The following PAK4 variants were observed in gnomAD, a reference collection of about 807,000 sequenced individuals.
PAK4 encodes p21 (RAC1) activated kinase 4.
In PAK4, 49 loss-of-function variants were observed where a neutral mutation model predicts 53.5. The observed-to-expected ratio is 0.92, with a 90% CI of 0.73 to 1.16. The LOEUF is 1.16. Among genes scored for constraint, PAK4 ranks in the 50% most tolerant of loss-of-function variants. PAK4 has a pLI of 0.00. For synonymous variants in PAK4, 376 were observed against 375.6 expected (o/e 1.00, Z -0.01); for missense variants, 824 against 850.7 (o/e 0.97, Z 0.39).
chr19:39,141,016 G>A (rs2073900110), intron 1 of PAK4, among the ~76,000 whole-genome samples: 2 of 152,120 alleles, frequency 1.3e-5, no homozygotes, highest in Non-Finnish European at 2.9e-5. Context: ...GGATTCACAG[G>A]GTGAGTGATC....
chr19:39,145,688 C>T (rs1187672095), intron 1 of PAK4, among the ~76,000 whole-genome samples: 2 of 152,192 alleles, frequency 1.3e-5, no homozygotes, highest in African/African-American at 4.8e-5. Flanking sequence ...CTGGTGCCGC[C>T]TGGGGCCTGT....
At chr19:39,148,902 C>T (rs909585852) in intron 1 of PAK4, among the ~76,000 whole-genome samples, 1 of 152,098 alleles carries the variant, frequency 6.6e-6, no homozygotes, top group African/African-American at 2.4e-5. Context: ...TTCCAGCCAG[C>T]ATTTGTTGAA....
At chr19:39,130,233 G>C (rs577501078) in intron 1 of PAK4, among the ~76,000 whole-genome samples, 1 of 99,664 alleles carries the variant, frequency 1.0e-5, no homozygotes, top group South Asian at 3.0e-4. Flanking sequence ...GGGTGGGACT[G>C]GGGGGGACCC....
At chr19:39,176,526 A>G in intron 6 of PAK4, 64 bp from the exon 8 acceptor site, 2 of 1,603,812 alleles carry the variant, frequency 1.2e-6, no homozygotes, top group South Asian at 1.1e-5. Context: ...ACGCAGGCAG[A>G]CGCCCCTGCT....
intron 2 of PAK4, among the ~76,000 whole-genome samples, chr19:39,170,062 G>A (rs1235630650): frequency 2.6e-5 from 4 of 152,094 alleles, no homozygotes; most frequent in African/African-American, 9.7e-5. Flanking sequence ...CCATGCTGCT[G>A]TACCCCGGAC....
Position 39,173,156 on chromosome 19 carries a change from G to A in PAK4, c.443G>A (p.Ser148Asn). 2 of 1,541,226 alleles carry A rather than the reference G, an allele frequency of 1.3e-6. No homozygotes were observed. The highest frequency in any genetic ancestry group is 1.8e-6 in the Non-Finnish European group (2 of 1,141,112). ...GGTCACAGCGAGGCGGGTGGCGGCA[G>A]TGGTGACAGGCGACGGGCGGGGCCA... is the stretch of plus-strand genomic sequence containing the variant. The change falls in exon 3 of 9, where the codon AGT becomes AAT. Residue 148 changes from serine (S) to asparagine (N), a missense_variant. By Grantham distance (46) the Ser-to-Asn change is conservative. Transcript: ENST00000358301. The surrounding 1 kb of genome is among the most constrained non-coding windows in gnomAD (Gnocchi z 6.9).
At chr19:39,171,853 G>A (rs893528550) in intron 2 of PAK4, among the ~76,000 whole-genome samples, 19 of 152,228 alleles carry the variant, frequency 1.2e-4, no homozygotes, top group African/African-American at 4.1e-4. Context: ...TCACTACGTG[G>A]TTTAGCAAAA....
rs73046481 is a variant in PAK4 at position 39,170,416 on chromosome 19, A to G, written c.204+659A>G. ...AATGGCAAGGTTGGGATTTGAACCA[A>G]TGTCTGTTTCCAAGGCCCGTGCTCT... On this transcript the variant is annotated intron_variant, in intron 2 of 8. Coordinates refer to ENST00000358301, the Ensembl canonical transcript of PAK4. 4.2e-3 allele frequency among the ~76,000 whole-genome samples: 646 copies of G among 152,172 alleles called. 2 individuals carry two copies. Among genetic ancestry groups the G allele is most frequent in the Admixed American group, 7.5e-3 (115 of 15,292 alleles).
In PAK4 at chr19:39,173,210, G is replaced by C. The variant is rs775587047; in HGVS notation, c.497G>C (p.Gly166Ala). 1.9e-6 allele frequency: 3 copies of C among 1,555,518 alleles called. No individual in the cohort carries two copies. Among genetic ancestry groups the C allele is most frequent in the Non-Finnish European group, 2.6e-6 (3 of 1,149,648 alleles). ...AAGAGGCCCAAGTCTTCCAGGGAGGGCTCAGGGGGTCCCCAGGAGTCCTCC... is the reference window on the plus strand; with the variant it reads ...AAGAGGCCCAAGTCTTCCAGGGAGGCCTCAGGGGGTCCCCAGGAGTCCTCC... The change falls in exon 3 of 9, where the codon GGC becomes GCC. Residue 166 changes from glycine to alanine, a missense_variant. By Grantham distance (60) the Gly-to-Ala change is moderately conservative. This residue lies in a region of PAK4 where 478 missense variants were observed against 435.8 expected (regional missense o/e 1.10). Transcript: ENST00000358301. The surrounding 1 kb of genome is among the most constrained non-coding windows in gnomAD (Gnocchi z 6.9).
At chr19:39,176,473 C>T in intron 6 of PAK4, 117 bp from the exon 8 acceptor site, 2 of 1,383,926 alleles carry the variant, frequency 1.4e-6, no homozygotes, top group Non-Finnish European at 2.0e-6. Context: ...TAGACCCCAG[C>T]TCTGACCTCT....
intron 1 of PAK4, among the ~76,000 whole-genome samples, chr19:39,155,649 C>A (rs748816162): frequency 6.6e-6 from 1 of 152,118 alleles, no homozygotes; most frequent in Non-Finnish European, 1.5e-5. Context: ...TGTGGAGCAT[C>A]TTTTTCTTCT....
intron 1 of PAK4, among the ~76,000 whole-genome samples, chr19:39,156,219 G>A (rs1054314940): frequency 5.3e-5 from 8 of 152,120 alleles, no homozygotes; most frequent in Non-Finnish European, 7.4e-5. Context: ...AGCCTTGGTC[G>A]GGGTGGAGGA....
intron 1 of PAK4, among the ~76,000 whole-genome samples, chr19:39,137,395 C>T (rs1016001752): frequency 6.6e-6 from 1 of 152,114 alleles, no homozygotes; most frequent in Admixed American, 6.6e-5. Flanking sequence ...AGGGTTTGTG[C>T]GTGCCGGCCC....
intron 1 of PAK4, among the ~76,000 whole-genome samples, chr19:39,154,091 C>T (rs2074137048): frequency 6.6e-6 from 1 of 152,146 alleles, no homozygotes; most frequent in African/African-American, 2.4e-5. Flanking sequence ...TTCATTCTCC[C>T]TATCATGTGC....
At chr19:39,137,587 T>C (rs2073838584) in intron 1 of PAK4, among the ~76,000 whole-genome samples, 2 of 152,160 alleles carry the variant, frequency 1.3e-5, no homozygotes, top group South Asian at 4.1e-4. Context: ...TGATGTGTTT[T>C]TCTGGTAGCC....
rs1390490815 is a variant in PAK4, at chr19:39,178,588, G to A, written c.*9G>A. 13 of 1,566,682 alleles carry A rather than the reference G, an allele frequency of 8.3e-6. No homozygotes were observed. Among genetic ancestry groups the A allele is most frequent in the African/African-American group, 5.4e-5 (4 of 73,622 alleles). On this transcript the variant is annotated 3_prime_UTR_variant, in exon 9 of 9. Transcript: ENST00000358301. The surrounding 1 kb of genome is among the most constrained non-coding windows in gnomAD (Gnocchi z 4.4). ...AGAACCGCACCAGATGAGGCCCAGC[G>A]CCCTTCCCCTCAACCAAAGAGCCCC...
At chr19:39,171,013 G>A (rs1209790503) in intron 2 of PAK4, among the ~76,000 whole-genome samples, 1 of 152,106 alleles carries the variant, frequency 6.6e-6, no homozygotes, top group African/African-American at 2.4e-5. Flanking sequence ...CCCCACCAAG[G>A]TGTCTCCAAA....
chr19:39,129,077 A>G (rs11083508), intron 1 of PAK4, among the ~76,000 whole-genome samples: 41,856 of 152,140 alleles, frequency 0.28, 6,596 homozygotes, highest in East Asian at 0.36. Flanking sequence ...TTTGTTCAAC[A>G]TTATAGGTAT....
At chr19:39,142,970 G>C (rs2073934435) in intron 1 of PAK4, among the ~76,000 whole-genome samples, 1 of 152,044 alleles carries the variant, frequency 6.6e-6, no homozygotes, top group Non-Finnish European at 1.5e-5. Flanking sequence ...TTCCAGTCCT[G>C]GGGGCCTCCT....
Sources: allele counts gnomAD v4.1 joint callset (sites outside exome capture counted in the v4.1 genomes callset), GRCh38; gene constraint gnomAD v4.1.1; regional missense constraint gnomAD v4.1.1; non-coding constraint Gnocchi (gnomAD v3.1); transcripts MANE v1.5; gene names NCBI Gene and HGNC (gene_info 2026-07-23, HGNC 2026-07-21).